Variants in NPHS2 observed in about 807,000 individuals in gnomAD.
The protein encoded by NPHS2 is podocin.
NPHS2 carries 36 observed loss-of-function variants against 37.1 expected under a neutral mutation model. The ratio of observed to expected loss-of-function variants is 0.97; its 90% confidence interval spans 0.74 to 1.28. The LOEUF (loss-of-function observed/expected upper bound fraction) is 1.28, where lower values mean the gene tolerates loss of function less well. Among genes scored for constraint, NPHS2 ranks in the 50% most tolerant of loss-of-function variants. NPHS2 has a pLI of 0.00. For missense variants in NPHS2, 447 were observed against 488.1 expected, an observed-to-expected ratio of 0.92 and a Z score of 0.79; for synonymous variants, 196 against 189.3, an observed-to-expected ratio of 1.04 and a Z score of -0.29.
intron 6 of NPHS2, 28 bp from the exon 7 acceptor site, chr1:179,552,709 GGTGTGCAGCCATGATT>G: frequency 2.5e-6 from 4 of 1,580,654 alleles, no homozygotes; most frequent in Non-Finnish European, 3.5e-6. Context: ...CAGGTATGTA[GGTGTGCAGCCATGATT>G]TAGGGGCCAA....
Position 179,575,785 on chromosome 1 carries a change from G to T in NPHS2, c.80C>A (p.Ala27Glu). 1.3e-6 allele frequency: 2 copies of T among 1,498,806 alleles called. No individual in the cohort carries two copies. The highest frequency in any genetic ancestry group is 1.8e-6 in the Non-Finnish European group (2 of 1,128,744). The allele number at this position is 1,498,806 out of a possible 1,614,324, so 92.8% of individuals were successfully genotyped here. The change falls in exon 1 of 8, where the codon GCA becomes GAA. Residue 27 changes from alanine to glutamate, a missense_variant. Physicochemically the swap from Ala to Glu is moderately radical, Grantham distance 107. Coordinates refer to ENST00000367615, the MANE Select transcript of NPHS2 (RefSeq NM_014625.4). The part of the protein sequence containing the change: ...GRTPHKENKR[A>E]KAERSGGGRG... ...GCCTCCGCCGCTCCTCTCGGCCTTTGCCCTCTTGTTCTCCTTGTGCGGAGT... is the reference window on the plus strand; with the variant it reads ...GCCTCCGCCGCTCCTCTCGGCCTTTTCCCTCTTGTTCTCCTTGTGCGGAGT...
At chr1:179,563,240 G>T (rs1056471676) in intron 2 of NPHS2, among the ~76,000 whole-genome samples, 4 of 152,196 alleles carry the variant, frequency 2.6e-5, no homozygotes, top group Non-Finnish European at 5.9e-5. Context: ...GTGGGACATT[G>T]TATAATGATA....
intron 1 of NPHS2, among the ~76,000 whole-genome samples, chr1:179,572,415 C>T (rs901153477): frequency 3.3e-5 from 5 of 152,212 alleles, no homozygotes; most frequent in Admixed American, 6.5e-5. Flanking sequence ...GGGTTCAGAA[C>T]ATCCAAGATG....
At chr1:179,557,710 ACTC>A (rs1673990865) in intron 4 of NPHS2, among the ~76,000 whole-genome samples, 2 of 152,204 alleles carry the variant, frequency 1.3e-5, no homozygotes, top group Non-Finnish European at 2.9e-5. Context: ...TAAGGATGTT[ACTC>A]ACAGTATTGC....
intron 2 of NPHS2, among the ~76,000 whole-genome samples, chr1:179,563,951 G>A (rs1469317222): frequency 6.6e-6 from 1 of 152,178 alleles, no homozygotes; most frequent in Non-Finnish European, 1.5e-5. Flanking sequence ...TGACTGAGAT[G>A]GCAGGAGTAC....
chr1:179,552,574 C>T (rs1288908967), intron 7 of NPHS2, 29 bp downstream of exon 7: 5 of 1,588,850 alleles, frequency 3.1e-6, no homozygotes, highest in Non-Finnish European at 8.6e-7. Context: ...TCCTAAAGGG[C>T]AGTCTGGGTG....
Position 179,551,464 on chromosome 1 carries a change from T to C in NPHS2, c.874-13A>G, listed in dbSNP as rs377374469. 63 of 1,612,492 alleles carry C rather than the reference T, an allele frequency of 3.9e-5. No individual in the cohort carries two copies. The highest frequency in any genetic ancestry group is 3.4e-5 in the Non-Finnish European group (40 of 1,180,020). ...CTGCAGCAATCATCTAGAAAACATG[T>C]GACGAAAGCAAAGTGATTGTTCTTC... On this transcript the variant is annotated splice_polypyrimidine_tract_variant and intron_variant, in intron 7 of 7. Transcript: ENST00000367615.
rs762631237 is a variant in NPHS2 at position 179,564,689 on chromosome 1, C to A, written c.378+1G>T. ...CCTATTGGGTCCTTATGGAATCTCA[C>A]CTTTACGCAGAACCAGATGGAAAAA... On this transcript the variant is annotated splice_donor_variant, in intron 2 of 7. Coordinates refer to ENST00000367615, the MANE Select transcript of NPHS2 (RefSeq NM_014625.4). LOFTEE classifies it high-confidence loss of function. The A allele has an allele frequency of 1.9e-6, 3 of 1,613,414 alleles. No individual in the cohort carries two copies. The highest frequency in any genetic ancestry group is 2.5e-6 in the Non-Finnish European group (3 of 1,179,550).
At chr1:179,559,652 G>C (rs1327949453) in intron 4 of NPHS2, 27 bp downstream of exon 4, 1 of 1,473,522 alleles carries the variant, frequency 6.8e-7, no homozygotes. Context: ...AATGTATAGA[G>C]AAAGCAAAAG....
intron 2 of NPHS2, among the ~76,000 whole-genome samples, chr1:179,562,654 C>T (rs1424031432): frequency 6.6e-6 from 1 of 152,160 alleles, no homozygotes; most frequent in Non-Finnish European, 1.5e-5. Flanking sequence ...TCCTTTGAGG[C>T]TGGGAACCAT....
At chr1:179,554,062 G>C (rs970229625) in intron 6 of NPHS2, among the ~76,000 whole-genome samples, 1 of 152,072 alleles carries the variant, frequency 6.6e-6, no homozygotes, top group Non-Finnish European at 1.5e-5. Context: ...ACAGGCATGT[G>C]CTACCACGCC....
Position 179,557,030 on chromosome 1 carries a change from T to C in NPHS2, c.735A>G (p.Ala245=). 13 of 1,611,882 alleles carry C rather than the reference T, an allele frequency of 8.1e-6. No homozygotes were observed. Among genetic ancestry groups the C allele is most frequent in the Non-Finnish European group, 1.1e-5 (13 of 1,178,360 alleles). The part of the protein sequence containing the change: ...LLERKSIAQD[A]KVALDSVTCI... ...GCCATTATGTTTATCTAAGTACCTT[T>C]GCATCTTGGGCGATGCTCTTCCTCT... Residue 245 remains alanine, a synonymous_variant, in exon 5 of 8, where the codon GCA becomes GCG. Transcript: ENST00000367615.
At chr1:179,562,732 G>A (rs557438912) in intron 2 of NPHS2, among the ~76,000 whole-genome samples, 22 of 152,300 alleles carry the variant, frequency 1.4e-4, no homozygotes, top group South Asian at 2.1e-4. Flanking sequence ...GAAACAATCA[G>A]AATGAATGAC....
rs1673807697 is a variant in NPHS2 at position 179,554,650 on chromosome 1, T to A, written c.739-119A>T. On this transcript the variant is annotated intron_variant, in intron 5 of 7. Coordinates refer to ENST00000367615, the MANE Select transcript of NPHS2 (RefSeq NM_014625.4). ...AACATTCCCTTTGAAAGGACATTATTTGCCTGTTGTATTTAACTTCACAGT... is the reference window on the plus strand; with the variant it reads ...AACATTCCCTTTGAAAGGACATTATATGCCTGTTGTATTTAACTTCACAGT... The A allele has an allele frequency of 1.2e-5, 17 of 1,402,114 alleles. No homozygotes were observed. In the South Asian group the frequency reaches 1.8e-4, roughly 15 times the overall value. 86.9% of individuals were successfully genotyped at this position (1,402,114 alleles called of 1,614,324 possible).
intron 1 of NPHS2, among the ~76,000 whole-genome samples, chr1:179,571,439 G>T (rs1289925574): frequency 6.6e-6 from 1 of 152,190 alleles, no homozygotes; most frequent in African/African-American, 2.4e-5. Flanking sequence ...TCCTCTGAAA[G>T]CTTCATCCCA....
intron 4 of NPHS2, among the ~76,000 whole-genome samples, chr1:179,558,640 T>G (rs1185891350): frequency 6.6e-6 from 1 of 152,154 alleles, no homozygotes; most frequent in Non-Finnish European, 1.5e-5. Context: ...TATTCTTAAT[T>G]TTTTGAGGAG....
At position 179,550,955 on chromosome 1, in the gene NPHS2, C is replaced by T. The variant is rs1316853218; in HGVS notation, c.*218G>A. ...TGACCAAAGCTGTTTCCCATAATTGCTCTGACTAGATGAGTCACGGAAACA... is the reference window on the plus strand; with the variant it reads ...TGACCAAAGCTGTTTCCCATAATTGTTCTGACTAGATGAGTCACGGAAACA... On this transcript the variant is annotated 3_prime_UTR_variant, in exon 8 of 8. Coordinates refer to ENST00000367615, the MANE Select transcript of NPHS2 (RefSeq NM_014625.4). 3 of 598,972 alleles carry T rather than the reference C, an allele frequency of 5.0e-6. No homozygotes were observed. The African/African-American group carries it at 5.6e-5, about 11-fold the overall frequency. The allele number at this position is 598,972 out of a possible 1,614,324, so 37.1% of individuals were successfully genotyped here.
At chr1:179,572,639 A>G (rs1050335839) in intron 1 of NPHS2, among the ~76,000 whole-genome samples, 3 of 152,242 alleles carry the variant, frequency 2.0e-5, no homozygotes, top group Non-Finnish European at 2.9e-5. Flanking sequence ...TTTAACCTCC[A>G]GGTACTAGAA....
intron 6 of NPHS2, among the ~76,000 whole-genome samples, chr1:179,553,492 GAAGCCAGACACAAA>G (rs1673618905): frequency 6.6e-6 from 1 of 152,182 alleles, no homozygotes; most frequent in Non-Finnish European, 1.5e-5. Context: ...TAAGTGAAAA[GAAGCCAGACACAAA>G]AAGCCATATA....
Sources: gnomAD v4.1 joint callset for allele counts (sites outside exome capture counted in the v4.1 genomes callset) on GRCh38, gnomAD v4.1.1 for gene constraint, MANE v1.5 for transcripts, NCBI Gene and HGNC (gene_info 2026-07-23, HGNC 2026-07-21) for gene names.